The following LAMA5 variants were observed in gnomAD, a reference collection of about 807,000 sequenced individuals.
LAMA5 encodes the protein laminin subunit alpha-5.
In LAMA5, 260 loss-of-function variants were observed where a neutral mutation model predicts 433.4. The ratio of observed to expected loss-of-function variants is 0.60; its 90% CI spans 0.54 to 0.66. LAMA5 has a LOEUF of 0.66. LAMA5 is among the 30% of genes least tolerant of loss of function. LAMA5 has a pLI of 0.00. For missense variants in LAMA5, 5,378 were observed against 5,258.5 expected (o/e 1.02, Z -0.70); for synonymous variants, 2,620 against 2,226.6 (o/e 1.18, Z -4.97).
chr20:62,327,474 C>G, intron 37 of LAMA5, 55 bp downstream of exon 37: 1 of 1,606,866 alleles, frequency 6.2e-7, no homozygotes, highest in Non-Finnish European at 8.5e-7. Flanking sequence ...ATCTTGCATC[C>G]AGTCCCACCT....
chr20:62,362,595 G>T, intron 1 of LAMA5, 43 bp from the exon 2 acceptor site: 1 of 1,435,382 alleles, frequency 7.0e-7, no homozygotes. Context: ...GAAGGGCCGG[G>T]GCCCCCTTCC....
chr20:62,352,346 A>G lies in LAMA5; in HGVS notation c.583T>C (p.Cys195Arg). ...GTCTGTGGCCCGAACCGCTCCAGACAGTCCCTCTTGGAGGCTGCGGGGAAT... is the reference window on the plus strand; with the variant it reads ...GTCTGTGGCCCGAACCGCTCCAGACGGTCCCTCTTGGAGGCTGCGGGGAAT... ...WQFFASSKRD[C>R]LERFGPQTLE... The change falls in exon 4 of 80, where the codon TGT becomes CGT. Residue 195 changes from cysteine to arginine, a missense_variant. Cys to Arg is a radical substitution (Grantham distance 180, BLOSUM62 -3). Coordinates refer to ENST00000252999, the MANE Select transcript of LAMA5 (RefSeq NM_005560.6). 1 of 1,598,924 alleles carries G rather than the reference A, an allele frequency of 6.3e-7. No homozygotes were observed. The highest frequency in any genetic ancestry group is 8.5e-7 in the Non-Finnish European group (1 of 1,179,452).
At chr20:62,337,111 A>G in intron 16 of LAMA5, 2 of 590,030 alleles carry the variant, frequency 3.4e-6, no homozygotes, top group Non-Finnish European at 6.4e-6. Context: ...CTACACGTGC[A>G]CTAACACACC....
chr20:62,312,889 G>T lies in LAMA5; in HGVS notation c.9077C>A (p.Ala3026Glu). The part of the protein sequence containing the change: ...PPPPLTSASK[A>E]IQVFLLGGSR... Reference sequence around the variant, plus strand: ...CCCTGGTCCCCACCCTGGCCCTACCGCCTTGCTGGCCGAGGTCAGGGGCGG... The same window carrying T: ...CCCTGGTCCCCACCCTGGCCCTACCTCCTTGCTGGCCGAGGTCAGGGGCGG... The change falls in exon 66 of 80, where the codon GCG (alanine) becomes GAG (glutamate). Residue 3026 changes from alanine to glutamate, a missense_variant and splice_region_variant. Transcript: ENST00000252999. 1 of 1,587,212 alleles carries T rather than the reference G, an allele frequency of 6.3e-7. No individual in the cohort carries two copies.
Position 62,337,684 on chromosome 20 carries a change from G to A in LAMA5, c.2070C>T (p.Asp690=). The A allele has an allele frequency of 6.2e-7, 1 of 1,611,896 alleles. No homozygotes were observed. Among genetic ancestry groups the A allele is most frequent in the Non-Finnish European group, 8.5e-7 (1 of 1,179,488 alleles). Residue 690 remains aspartate, a synonymous_variant, in exon 16 of 80, where the codon GAC becomes GAT. Transcript: ENST00000252999. ...SAEGSLHAAC[D]PRSGQCSCRP... is the part of the protein sequence containing the mutation. ...GGCAGCTGCACTGCCCACTCCGGGG[G>A]TCACAGGCTGCGTGCAGGGAGCCTT...
intron 1 of LAMA5, among the ~76,000 whole-genome samples, chr20:62,365,293 TCA>T (rs1312830570): frequency 6.6e-6 from 1 of 152,092 alleles, no homozygotes; most frequent in African/African-American, 2.4e-5. Context: ...CGGGCCAAGC[TCA>T]CAGTCTCAGG....
At chr20:62,315,330 C>T in intron 58 of LAMA5, 123 bp from the exon 59 acceptor site, 1 of 785,874 alleles carries the variant, frequency 1.3e-6, no homozygotes, top group Non-Finnish European at 2.0e-6. Flanking sequence ...GTGTGAGACC[C>T]TCACACCCCG....
intron 24 of LAMA5, 28 bp downstream of exon 24, chr20:62,333,536 C>CCAGCCCT (rs1365527530): frequency 5.1e-6 from 8 of 1,571,430 alleles, no homozygotes; most frequent in South Asian, 3.5e-5. Flanking sequence ...GACCCGGCCC[C>CCAGCCCT]CAGCCCTCAC....
chr20:62,310,232 G>A lies in LAMA5; in HGVS notation c.10680C>T (p.His3560=). 1 of 1,612,602 alleles carries A rather than the reference G, an allele frequency of 6.2e-7. No homozygotes were observed. Among genetic ancestry groups the A allele is most frequent in the South Asian group, 1.1e-5 (1 of 91,070 alleles). Residue 3560 remains histidine, a synonymous_variant, in exon 77 of 80, where the codon CAC becomes CAT. Coordinates refer to ENST00000252999, the MANE Select transcript of LAMA5 (RefSeq NM_005560.6). ...RPLAVTGLIF[H]LGQARTPPYL... The stretch of plus-strand genomic sequence containing the variant: ...AGGGGGGCGTCCGGGCCTGGCCCAA[G>A]TGGAAGATCAGTCCGGTGACTGCCA...
At position 62,316,754 on chromosome 20, in the gene LAMA5, A is replaced by C; in HGVS notation, c.7673T>G (p.Leu2558Arg). The C allele has an allele frequency of 1.9e-6, 3 of 1,607,098 alleles. No homozygotes were observed. The highest frequency in any genetic ancestry group is 2.5e-6 in the Non-Finnish European group (3 of 1,176,952). Residue 2558 changes from leucine (L) to arginine (R), a missense_variant, in exon 57 of 80, where the codon CTG becomes CGG. Leu to Arg is a moderately radical substitution (Grantham distance 102, BLOSUM62 -2). Coordinates refer to ENST00000252999, the MANE Select transcript of LAMA5 (RefSeq NM_005560.6). Reference sequence around the variant, plus strand: ...CAGGAGCTGCTGGGCTCGGTCCACCAGGCCCTGCCGCACCACCGTCTGTGG... The same window carrying C: ...CAGGAGCTGCTGGGCTCGGTCCACCCGGCCCTGCCGCACCACCGTCTGTGG... ...HTWATVVRQG[L>R]VDRAQQLLAN...
At chr20:62,334,098 G>A in intron 22 of LAMA5, 59 bp from the exon 23 acceptor site, 1 of 1,589,138 alleles carries the variant, frequency 6.3e-7, no homozygotes, top group Admixed American at 1.7e-5. Context: ...TGAGGCCTGG[G>A]CCTTCAAGGG....
intron 2 of LAMA5, among the ~76,000 whole-genome samples, chr20:62,358,880 C>T (rs1985628027): frequency 6.6e-6 from 1 of 152,206 alleles, no homozygotes; most frequent in South Asian, 2.1e-4. Flanking sequence ...ACTGCCTCCC[C>T]TCTCCGGCCC....
chr20:62,319,436 A>G (rs1053363195), intron 51 of LAMA5, among the ~76,000 whole-genome samples: 21 of 152,010 alleles, frequency 1.4e-4, no homozygotes, highest in African/African-American at 4.6e-4. Flanking sequence ...GAGCGCGAAC[A>G]TCTAACCGGC....
rs780840514 is a variant in LAMA5, at chr20:62,334,306, G to A, written c.2619C>T (p.His873=). Residue 873 remains histidine (H), a synonymous_variant, in exon 22 of 80, where the codon CAC becomes CAT. Coordinates refer to ENST00000252999, the MANE Select transcript of LAMA5 (RefSeq NM_005560.6). ...CAGCCTCCTCCAGCTCCAGGCGCAG[G>A]TGGTGCAGGTCCGGGAGGTAGTGGT... The part of the protein sequence containing the change: ...ARDHYLPDLH[H]LRLELEEAAT... 4.4e-5 allele frequency: 71 copies of A among 1,610,294 alleles called. No homozygotes were observed. The South Asian group carries it at 7.4e-4, about 17-fold the overall frequency.
chr20:62,321,152 AGT>A (rs1987663480), intron 48 of LAMA5, among the ~76,000 whole-genome samples: 1 of 56,092 alleles, frequency 1.8e-5, no homozygotes, highest in African/African-American at 7.6e-5. Context: ...AGGTGGGGCC[AGT>A]GAAGGGGCGG....
intron 2 of LAMA5, among the ~76,000 whole-genome samples, chr20:62,353,781 C>T (rs918279910): frequency 1.3e-5 from 2 of 151,990 alleles, no homozygotes; most frequent in African/African-American, 2.4e-5. Context: ...CCCCTGCCCC[C>T]ACCTCACACC....
chr20:62,314,436 G>A lies in LAMA5; in HGVS notation c.8372C>T (p.Thr2791Ile), dbSNP rs905963465. The A allele has an allele frequency of 8.7e-6, 14 of 1,613,254 alleles. No individual in the cohort carries two copies. Among genetic ancestry groups the A allele is most frequent in the Non-Finnish European group, 1.2e-5 (14 of 1,179,924 alleles). The change falls in exon 62 of 80, where the codon ACT becomes ATT. Residue 2791 changes from threonine to isoleucine, a missense_variant. Physicochemically the swap from Thr to Ile is moderately conservative, Grantham distance 89. Coordinates refer to ENST00000252999, the MANE Select transcript of LAMA5 (RefSeq NM_005560.6). The part of the protein sequence containing the change: ...FVMYMGSRQA[T>I]GDYMGVSLRD... ...CAGAGACACACCCATGTAGTCCCCAGTGGCCTGCGGCAGTGACAGACACAC... is the reference window on the plus strand; with the variant it reads ...CAGAGACACACCCATGTAGTCCCCAATGGCCTGCGGCAGTGACAGACACAC...
intron 2 of LAMA5, among the ~76,000 whole-genome samples, chr20:62,355,751 C>T (rs1985111890): frequency 6.6e-6 from 1 of 151,188 alleles, no homozygotes; most frequent in South Asian, 2.1e-4. Context: ...CCTCAGCAGC[C>T]CCCTGTGGGC....
At chr20:62,315,852 G>T in intron 58 of LAMA5, 96 bp downstream of exon 58, 1 of 945,966 alleles carries the variant, frequency 1.1e-6, no homozygotes, top group East Asian at 2.6e-5. Context: ...CTCTTCCACA[G>T]CACAGTGAGT....
Sources: allele counts gnomAD v4.1 joint callset (sites outside exome capture counted in the v4.1 genomes callset), GRCh38; gene constraint gnomAD v4.1.1; transcripts MANE v1.5; gene names NCBI Gene and HGNC (gene_info 2026-07-23, HGNC 2026-07-21).